Variants in ANP32B observed in about 807,000 individuals in gnomAD.
The protein encoded by ANP32B is acidic nuclear phosphoprotein 32 family member B, also known as acidic leucine-rich nuclear phosphoprotein 32 family member B.
Under a neutral mutation model 32.2 loss-of-function variants are expected in ANP32B, and 6 were observed. That is an observed-to-expected ratio of 0.19 (90% CI 0.10 to 0.37). The LOEUF is 0.37. ANP32B is among the 10% of genes least tolerant of loss of function. The pLI is 1.00. For synonymous variants in ANP32B, 98 were observed against 105.8 expected (o/e 0.93, Z 0.45); for missense variants, 204 against 289.2 (o/e 0.71, Z 2.14).
At chr9:97,994,346 G>A (rs1341615259) in intron 1 of ANP32B, among the ~76,000 whole-genome samples, 1 of 152,150 alleles carries the variant, frequency 6.6e-6, no homozygotes, top group South Asian at 2.1e-4. Context: ...AGGGGAATAC[G>A]CTTACTTCAC....
chr9:97,984,960 G>T (rs1827687203), intron 1 of ANP32B, among the ~76,000 whole-genome samples: 1 of 151,082 alleles, frequency 6.6e-6, no homozygotes, highest in African/African-American at 2.4e-5. Context: ...GGGCTGTAGG[G>T]GCCTGAGGGC....
At chr9:97,996,394 A>G (rs1160907481) in intron 2 of ANP32B, among the ~76,000 whole-genome samples, 4 of 151,656 alleles carry the variant, frequency 2.6e-5, no homozygotes, top group Admixed American at 2.6e-4. Flanking sequence ...TTGAGTTCTG[A>G]GAAGGACAGG....
intron 3 of ANP32B, among the ~76,000 whole-genome samples, chr9:98,000,389 A>G (rs1400705090): frequency 6.6e-6 from 1 of 152,136 alleles, no homozygotes; most frequent in African/African-American, 2.4e-5. Flanking sequence ...TTCCTATTAC[A>G]GGTATACCCA....
chr9:98,005,760 A>G (rs1828071436), intron 4 of ANP32B, among the ~76,000 whole-genome samples: 1 of 152,124 alleles, frequency 6.6e-6, no homozygotes, highest in African/African-American at 2.4e-5. Flanking sequence ...CTAAGTTAGG[A>G]TGCTGTGCGT....
chr9:97,987,880 A>G (rs766545049), intron 1 of ANP32B, among the ~76,000 whole-genome samples: 2 of 152,092 alleles, frequency 1.3e-5, no homozygotes, highest in Admixed American at 6.6e-5. Flanking sequence ...TTTGAGCTCA[A>G]TTGGATATTC....
chr9:97,997,465 C>T (rs533144670), intron 2 of ANP32B, among the ~76,000 whole-genome samples: 3 of 152,248 alleles, frequency 2.0e-5, no homozygotes, highest in South Asian at 4.1e-4. Context: ...ATTCTAGGTA[C>T]GTAGCATAAT....
Position 97,998,636 on chromosome 9 carries a change from A to C in ANP32B, c.285A>C (p.Leu95Phe). 1 of 1,611,482 alleles carries C rather than the reference A, an allele frequency of 6.2e-7. No individual in the cohort carries two copies. The highest frequency in any genetic ancestry group is 1.1e-5 in the South Asian group (1 of 90,644). ...TTCCAAATCTCACACATCTAAACTT[A>C]AGTGGAAATAAACTGAAAGATATCA... ...EKLPNLTHLN[L>F]SGNKLKDIST... Residue 95 changes from leucine to phenylalanine, a missense_variant, in exon 3 of 7, where the codon TTA (leucine) becomes TTC (phenylalanine). Physicochemically the swap from Leu to Phe is conservative, Grantham distance 22 (BLOSUM62 0). Transcript: ENST00000339399.
rs763537823 is a variant in ANP32B, at chr9:98,015,695, C to T, written c.*264C>T. 1.6e-4 allele frequency: 182 copies of T among 1,123,878 alleles called. No individual in the cohort carries two copies. The highest frequency in any genetic ancestry group is 1.8e-4 in the Non-Finnish European group (162 of 913,470). The allele number at this position is 1,123,878 out of a possible 1,614,324, so 69.6% of individuals were successfully genotyped here. ...TTTTTGTGTAAGATTCTTGCTGTAGCGTGGATAGCTGTGATTGGTGAGTCA... is the reference window on the plus strand; with the variant it reads ...TTTTTGTGTAAGATTCTTGCTGTAGTGTGGATAGCTGTGATTGGTGAGTCA... On this transcript the variant is annotated 3_prime_UTR_variant, in exon 7 of 7. Coordinates refer to ENST00000339399, the MANE Select transcript of ANP32B (RefSeq NM_006401.3).
chr9:97,999,769 G>GA (rs1827959840), intron 3 of ANP32B, among the ~76,000 whole-genome samples: 2 of 152,222 alleles, frequency 1.3e-5, no homozygotes, highest in Non-Finnish European at 2.9e-5. Flanking sequence ...GTAGTGGCCA[G>GA]AAAAGGGCTT....
At chr9:98,012,554 A>C (rs1038112652) in intron 6 of ANP32B, 82 bp downstream of exon 6, 1 of 1,564,978 alleles carries the variant, frequency 6.4e-7, no homozygotes, top group Non-Finnish European at 8.6e-7. Context: ...GATACCACTG[A>C]GAAGAAAATA....
chr9:97,990,866 C>G (rs191496506), intron 1 of ANP32B, among the ~76,000 whole-genome samples: 1 of 133,994 alleles, frequency 7.5e-6, no homozygotes, highest in South Asian at 2.4e-4. Context: ...GGTGCCCAGG[C>G]TGGAGTGCGG....
At chr9:98,006,805 A>G (rs535527026) in intron 4 of ANP32B, among the ~76,000 whole-genome samples, 12 of 152,246 alleles carry the variant, frequency 7.9e-5, no homozygotes, top group Non-Finnish European at 1.3e-4. Context: ...CCTGGCCAAC[A>G]TGGGGAAACC....
intron 4 of ANP32B, among the ~76,000 whole-genome samples, chr9:98,008,528 A>G (rs912722083): frequency 3.3e-5 from 5 of 152,354 alleles, no homozygotes; most frequent in Admixed American, 1.3e-4. Context: ...GACAACTTCA[A>G]AATCTCCATA....
At chr9:97,989,955 C>A (rs1827796350) in intron 1 of ANP32B, among the ~76,000 whole-genome samples, 1 of 152,210 alleles carries the variant, frequency 6.6e-6, no homozygotes, top group Non-Finnish European at 1.5e-5. Flanking sequence ...TAAATTCTCC[C>A]TTTGGAGTGA....
intron 1 of ANP32B, among the ~76,000 whole-genome samples, chr9:97,991,408 C>T (rs1827823837): frequency 6.6e-6 from 1 of 152,174 alleles, no homozygotes; most frequent in African/African-American, 2.4e-5. Context: ...AGCCACTGCA[C>T]CTGGCCTTGA....
chr9:98,009,372 G>A (rs575032708), intron 4 of ANP32B, among the ~76,000 whole-genome samples: 24 of 152,244 alleles, frequency 1.6e-4, no homozygotes, highest in African/African-American at 4.8e-4. Context: ...CGCTTCTCAC[G>A]TACAGGTGGC....
At chr9:98,014,053 G>GATGTTTGGC (rs1336295904) in intron 6 of ANP32B, among the ~76,000 whole-genome samples, 3 of 152,034 alleles carry the variant, frequency 2.0e-5, no homozygotes, top group Non-Finnish European at 4.4e-5. Flanking sequence ...GGTGTTCACT[G>GATGTTTGGC]TGCTGTTGGC....
At chr9:98,006,216 C>T (rs1341583037) in intron 4 of ANP32B, among the ~76,000 whole-genome samples, 1 of 152,102 alleles carries the variant, frequency 6.6e-6, no homozygotes. Context: ...CAATTGCTTG[C>T]AGACTCATCA....
chr9:98,011,501 C>T (rs1465978893), intron 5 of ANP32B, 112 bp downstream of exon 5: 2 of 1,378,902 alleles, frequency 1.5e-6, no homozygotes, highest in Non-Finnish European at 1.9e-6. Flanking sequence ...AATTAGTATA[C>T]CTGTGAATAC....
Sources: allele counts gnomAD v4.1 joint callset (sites outside exome capture counted in the v4.1 genomes callset), GRCh38; gene constraint gnomAD v4.1.1; transcripts MANE v1.5; gene names NCBI Gene and HGNC (gene_info 2026-07-23, HGNC 2026-07-21).